SLC71A1: variants seen among roughly 807,000 people sequenced by gnomAD.
SLC71A1 encodes solute carrier family 71 member 1.
the SLC71A1 span, among the ~76,000 whole-genome samples, chr1:100,048,308 T>C: frequency 6.6e-6 from 1 of 152,068 alleles, no homozygotes; most frequent in Non-Finnish European, 1.5e-5. Flanking sequence ...CCTTTCTGAG[T>C]AGCTGGGATT....
the SLC71A1 span, among the ~76,000 whole-genome samples, chr1:100,058,282 G>T: frequency 1.3e-5 from 2 of 152,132 alleles, no homozygotes; most frequent in African/African-American, 4.8e-5. Flanking sequence ...TTATAAGTCA[G>T]TTATTTTGGG....
chr1:100,076,851 G>A, the SLC71A1 span, among the ~76,000 whole-genome samples: 1 of 152,124 alleles, frequency 6.6e-6, no homozygotes, highest in Non-Finnish European at 1.5e-5. Flanking sequence ...TATGTAATGG[G>A]GATCTCCAAA....
the SLC71A1 span, among the ~76,000 whole-genome samples, chr1:100,060,703 C>T: frequency 6.6e-5 from 10 of 151,794 alleles, no homozygotes; most frequent in Admixed American, 6.6e-4. Flanking sequence ...ATATGCTGCT[C>T]CTAGTTACAA....
At chr1:100,073,903 G>A in the SLC71A1 span, among the ~76,000 whole-genome samples, 12 of 152,174 alleles carry the variant, frequency 7.9e-5, no homozygotes, top group South Asian at 4.1e-4. Flanking sequence ...AATTTTTTCC[G>A]TTCAAGAACA....
chr1:100,082,293 C>CAGA, the SLC71A1 span: 1 of 1,027,126 alleles, frequency 9.7e-7, no homozygotes, highest in Non-Finnish European at 1.5e-6. Flanking sequence ...CATTTCCATC[C>CAGA]ACAGTGTACT....
chr1:100,055,859 TCTC>T, the SLC71A1 span, among the ~76,000 whole-genome samples: 1 of 152,160 alleles, frequency 6.6e-6, no homozygotes, highest in Non-Finnish European at 1.5e-5. Flanking sequence ...TTCAAGCAAT[TCTC>T]CTGCCTCAGC....
At chr1:100,047,364 A>G in the SLC71A1 span, among the ~76,000 whole-genome samples, 5 of 152,304 alleles carry the variant, frequency 3.3e-5, no homozygotes, top group South Asian at 6.2e-4. Flanking sequence ...AGATTTATGT[A>G]TGTTGGACTA....
chr1:100,057,922 C>G, the SLC71A1 span: 1 of 152,206 alleles, frequency 6.6e-6, no homozygotes, highest in Non-Finnish European at 1.5e-5. Flanking sequence ...AACAGGAACT[C>G]AGTTGCCTCA....
chr1:100,060,701 C>T, the SLC71A1 span, among the ~76,000 whole-genome samples: 3 of 151,826 alleles, frequency 2.0e-5, no homozygotes, highest in Admixed American at 2.0e-4. Flanking sequence ...GGATATGCTG[C>T]TCCTAGTTAC....
the SLC71A1 span, chr1:100,069,701 T>A: frequency 6.5e-7 from 1 of 1,546,564 alleles, no homozygotes; most frequent in Non-Finnish European, 8.9e-7. Context: ...TTTCTTTTTT[T>A]AGTTAGAGTG....
At chr1:100,065,415 T>G in the SLC71A1 span, among the ~76,000 whole-genome samples, 1 of 152,192 alleles carries the variant, frequency 6.6e-6, no homozygotes, top group Non-Finnish European at 1.5e-5. Context: ...CATTAATCTC[T>G]ATGCTTTGAA....
chr1:100,049,955 T>C, the SLC71A1 span: 1 of 1,611,444 alleles, frequency 6.2e-7, no homozygotes, highest in Non-Finnish European at 8.5e-7. Flanking sequence ...GTTATCGTCA[T>C]CTTTTTGGAG....
the SLC71A1 span, among the ~76,000 whole-genome samples, chr1:100,048,321 A>T: frequency 6.6e-6 from 1 of 152,122 alleles, no homozygotes; most frequent in Non-Finnish European, 1.5e-5. Context: ...CTGGGATTAC[A>T]GGCACACGCC....
At chr1:100,061,385 A>G in the SLC71A1 span, among the ~76,000 whole-genome samples, 1 of 152,244 alleles carries the variant, frequency 6.6e-6, no homozygotes, top group Non-Finnish European at 1.5e-5. Context: ...AAGATAACTT[A>G]TGGAAAACAT....
At chr1:100,043,977 A>G in the SLC71A1 span, among the ~76,000 whole-genome samples, 1 of 152,220 alleles carries the variant, frequency 6.6e-6, no homozygotes, top group African/African-American at 2.4e-5. Context: ...GGTTGGTTCC[A>G]TATCTTTGCA....
At chr1:100,075,235 C>G in the SLC71A1 span, among the ~76,000 whole-genome samples, 5 of 152,240 alleles carry the variant, frequency 3.3e-5, no homozygotes, top group Non-Finnish European at 7.3e-5. Context: ...AGTTGATGCT[C>G]AGCCTTCTTC....
chr1:100,049,864 ACT>A, the SLC71A1 span: 9 of 910,626 alleles, frequency 9.9e-6, no homozygotes, highest in Middle Eastern at 2.2e-4. Flanking sequence ...TATAGAATGT[ACT>A]GTTAACTTTT....
chr1:100,058,433 G>C, the SLC71A1 span, among the ~76,000 whole-genome samples: 1 of 152,132 alleles, frequency 6.6e-6, no homozygotes, highest in East Asian at 1.9e-4. Flanking sequence ...TGATAGGGCT[G>C]TTATGAGGGA....
At chr1:100,082,489 T>C in the SLC71A1 span, 1 of 387,004 alleles carries the variant, frequency 2.6e-6, no homozygotes. Context: ...AAACTATATA[T>C]GTAACTTCTT....
Sources: gnomAD v4.1 joint callset for allele counts (sites outside exome capture counted in the v4.1 genomes callset) on GRCh38, gnomAD v4.1.1 for gene constraint, MANE v1.5 for transcripts, NCBI Gene and HGNC (gene_info 2026-07-23, HGNC 2026-07-21) for gene names.